Variants in B3GALT1 observed in about 807,000 individuals in gnomAD.
B3GALT1 encodes UDP-Gal:betaGlcNAc beta 1,3-galactosyltransferase, polypeptide 1.
A neutral mutation model predicts 23.2 loss-of-function variants in B3GALT1; 10 were observed. The ratio of observed to expected loss-of-function variants is 0.43; its 90% CI spans 0.27 to 0.73. The LOEUF (loss-of-function observed/expected upper bound fraction) is 0.73. Among genes scored for constraint, B3GALT1 ranks in the 30% least tolerant of loss-of-function variants. B3GALT1 has a pLI of 0.21. For synonymous variants in B3GALT1, 156 were observed against 141.5 expected, an observed-to-expected ratio of 1.10 and a Z score of -0.73; for missense variants, 299 against 405.4, an observed-to-expected ratio of 0.74 and a Z score of 2.25.
At chr2:167,589,792 A>T (rs1303280269) in intron 2 of B3GALT1, among the ~76,000 whole-genome samples, 1 of 152,138 alleles carries the variant, frequency 6.6e-6, no homozygotes, top group Admixed American at 6.5e-5. Flanking sequence ...GCAGTTTTCT[A>T]ATAGCACAAA....
At chr2:167,408,605 A>C (rs1698345712) in intron 1 of B3GALT1, among the ~76,000 whole-genome samples, 1 of 152,172 alleles carries the variant, frequency 6.6e-6, no homozygotes, top group Admixed American at 6.5e-5. Context: ...CTGCAACATA[A>C]AAAACTGTTA....
intron 1 of B3GALT1, among the ~76,000 whole-genome samples, chr2:167,352,848 G>A (rs766973374): frequency 2.0e-4 from 30 of 152,154 alleles, no homozygotes; most frequent in Admixed American, 5.9e-4. Context: ...AGATTACCCA[G>A]TATCTCAAAG....
intron 1 of B3GALT1, among the ~76,000 whole-genome samples, chr2:167,408,319 C>G (rs530791441): frequency 8.7e-4 from 133 of 152,194 alleles, no homozygotes; most frequent in African/African-American, 3.1e-3. Flanking sequence ...AATTCAGCAT[C>G]CCTTATTACA....
At chr2:167,383,935 G>T (rs1029927449) in intron 1 of B3GALT1, among the ~76,000 whole-genome samples, 7 of 152,154 alleles carry the variant, frequency 4.6e-5, no homozygotes, top group African/African-American at 1.7e-4. Flanking sequence ...ATTTTAAAAT[G>T]TAATATAACA....
chr2:167,783,319 G>C (rs568595844), intron 3 of B3GALT1, among the ~76,000 whole-genome samples: 1 of 152,038 alleles, frequency 6.6e-6, no homozygotes, highest in Non-Finnish European at 1.5e-5. Context: ...GTTTATCTTC[G>C]TGTTAACTAC....
At chr2:167,302,615 AAT>A (rs1300915269) in intron 1 of B3GALT1, among the ~76,000 whole-genome samples, 11 of 152,166 alleles carry the variant, frequency 7.2e-5, no homozygotes, top group African/African-American at 2.7e-4. Flanking sequence ...TTGTAATTAA[AAT>A]AAATTTTTTT....
At position 167,869,923 on chromosome 2, in the gene B3GALT1, G is replaced by T; in HGVS notation, c.884G>T (p.Cys295Phe). The part of the protein sequence containing the change: ...FNHWKMAYSL[C>F]RYRRVITVHQ... ...CACTGGAAAATGGCCTACAGTTTGT[G>T]TAGGTATCGCCGAGTTATCACTGTG... The change falls in exon 5 of 5, where the codon TGT (cysteine) becomes TTT (phenylalanine). Residue 295 changes from cysteine to phenylalanine, a missense_variant. By Grantham distance (205) the Cys-to-Phe change is radical. Around this residue, in one of 3 missense-constraint regions of B3GALT1, gnomAD observed 133 missense variants for 204.8 expected, o/e 0.65. Coordinates refer to ENST00000392690, the MANE Select transcript of B3GALT1 (RefSeq NM_020981.4). This position sits in a 1 kb window ranked among gnomAD's most constrained non-coding sequence, Gnocchi z 6.4. The T allele has an allele frequency of 6.2e-7, 1 of 1,614,186 alleles. No homozygotes were observed. The highest frequency in any genetic ancestry group is 8.5e-7 in the Non-Finnish European group (1 of 1,180,032).
intron 4 of B3GALT1, among the ~76,000 whole-genome samples, chr2:167,858,036 C>T (rs1352608822): frequency 6.6e-6 from 1 of 152,104 alleles, no homozygotes; most frequent in African/African-American, 2.4e-5. Flanking sequence ...ATAGCCATTT[C>T]AGGCTGTTTT....
At chr2:167,513,268 A>T (rs1363867288) in intron 2 of B3GALT1, among the ~76,000 whole-genome samples, 1 of 141,474 alleles carries the variant, frequency 7.1e-6, no homozygotes, top group Non-Finnish European at 1.5e-5. Context: ...TTCACCTAAC[A>T]TGGAGAATGG....
intron 2 of B3GALT1, among the ~76,000 whole-genome samples, chr2:167,619,361 TATTA>T (rs2105437912): frequency 6.6e-6 from 1 of 152,164 alleles, no homozygotes; most frequent in Non-Finnish European, 1.5e-5. Context: ...AGTATGTATA[TATTA>T]ATTTATATAA....
chr2:167,659,444 A>C (rs1042582066), intron 3 of B3GALT1, among the ~76,000 whole-genome samples: 1 of 152,116 alleles, frequency 6.6e-6, no homozygotes, highest in African/African-American at 2.4e-5. Flanking sequence ...GAAAACATTG[A>C]AGTTTTATCA....
At chr2:167,862,625 G>GC (rs1459117063) in intron 4 of B3GALT1, 1 of 152,238 alleles carries the variant, frequency 6.6e-6, no homozygotes, top group East Asian at 1.9e-4. Context: ...CCATCACACT[G>GC]CCTGAACCAT....
chr2:167,710,202 GA>G (rs1687027586), intron 3 of B3GALT1, among the ~76,000 whole-genome samples: 1 of 152,048 alleles, frequency 6.6e-6, no homozygotes, highest in Admixed American at 6.5e-5. Flanking sequence ...ACTCAACCAA[GA>G]AAAACTTATT....
chr2:167,805,699 G>A (rs913691619), intron 3 of B3GALT1, among the ~76,000 whole-genome samples: 18 of 152,068 alleles, frequency 1.2e-4, no homozygotes, highest in Non-Finnish European at 2.9e-5. Flanking sequence ...CTCTGTTTTG[G>A]TACCAGTACC....
At chr2:167,501,938 T>C (rs1699854899) in intron 2 of B3GALT1, among the ~76,000 whole-genome samples, 1 of 152,162 alleles carries the variant, frequency 6.6e-6, no homozygotes, top group Non-Finnish European at 1.5e-5. Context: ...CTCTTTAAAG[T>C]GTTAATTCAT....
chr2:167,689,859 G>A (rs542415184), intron 3 of B3GALT1, among the ~76,000 whole-genome samples: 1 of 152,260 alleles, frequency 6.6e-6, no homozygotes, highest in South Asian at 2.1e-4. Context: ...GAGAGGTTTT[G>A]TTAAGGACTG....
At chr2:167,551,410 A>AG (rs1204467943) in intron 2 of B3GALT1, among the ~76,000 whole-genome samples, 1 of 152,190 alleles carries the variant, frequency 6.6e-6, no homozygotes, top group Non-Finnish European at 1.5e-5. Context: ...ACTAGAGAGA[A>AG]GGCAATGTAA....
At chr2:167,830,293 C>T (rs1689320232) in intron 4 of B3GALT1, among the ~76,000 whole-genome samples, 1 of 151,742 alleles carries the variant, frequency 6.6e-6, no homozygotes, top group East Asian at 1.9e-4. Context: ...AGCGGGCAGG[C>T]TGTGCGGCAA....
At chr2:167,770,261 C>T (rs765169974) in intron 3 of B3GALT1, among the ~76,000 whole-genome samples, 9 of 152,122 alleles carry the variant, frequency 5.9e-5, no homozygotes, top group South Asian at 2.1e-4. Context: ...CATGTGCCAC[C>T]GCACCTGGCT....
Sources: allele counts gnomAD v4.1 joint callset (sites outside exome capture counted in the v4.1 genomes callset), GRCh38; gene constraint gnomAD v4.1.1; regional missense constraint gnomAD v4.1.1; non-coding constraint Gnocchi (gnomAD v3.1); transcripts MANE v1.5; gene names NCBI Gene and HGNC (gene_info 2026-07-23, HGNC 2026-07-21).